PTPRN2: variants seen among roughly 807,000 people sequenced by gnomAD.
PTPRN2 encodes the protein receptor-type tyrosine-protein phosphatase N2.
Under a neutral mutation model 118.8 loss-of-function variants are expected in PTPRN2, and 74 were observed. The observed-to-expected ratio is 0.62, with a 90% CI of 0.52 to 0.76. The LOEUF (loss-of-function observed/expected upper bound fraction) is 0.76. Among genes scored for constraint, PTPRN2 ranks in the 30% least tolerant of loss-of-function variants. PTPRN2 has a pLI of 0.00. For synonymous variants in PTPRN2, 641 were observed against 608.0 expected, an observed-to-expected ratio of 1.05 and a Z score of -0.80; for missense variants, 1,481 against 1,394.4, an observed-to-expected ratio of 1.06 and a Z score of -0.99.
At position 158,249,840 on chromosome 7, in the gene PTPRN2, C is replaced by T. The variant is rs114011745; in HGVS notation, c.278-44567G>A. ...ACTGAATGCATTCCCATTTAAACTG[C>T]TTCTCCTGTGCTCCAGCAAGACGCC... is the stretch of plus-strand genomic sequence containing the variant. On this transcript the variant is annotated intron_variant, in intron 3 of 22. Transcript: ENST00000389418. 5.3e-3 allele frequency among the ~76,000 whole-genome samples: 804 copies of T among 152,338 alleles called. 8 individuals carry two copies. The highest frequency in any genetic ancestry group is 0.018 in the African/African-American group (757 of 41,572).
intron 7 of PTPRN2, among the ~76,000 whole-genome samples, chr7:158,137,754 T>G (rs748955992): frequency 2.6e-4 from 39 of 152,194 alleles, no homozygotes; most frequent in Non-Finnish European, 4.9e-4. Context: ...CTGCCATGTG[T>G]GGGGAGCTGA....
chr7:158,073,478 C>G (rs1017932041), intron 11 of PTPRN2, among the ~76,000 whole-genome samples: 2 of 152,136 alleles, frequency 1.3e-5, no homozygotes, highest in Admixed American at 1.3e-4. Context: ...TCCTTCAGGT[C>G]TCAAAGCTAT....
chr7:158,336,971 AGAG>A (rs1452666215), intron 2 of PTPRN2, among the ~76,000 whole-genome samples: 208 of 27,944 alleles, frequency 7.4e-3, no homozygotes, highest in African/African-American at 0.012. Context: ...TCTCACCATA[AGAG>A]CTGATGCCCG....
At chr7:158,432,644 T>A (rs1816306307) in intron 2 of PTPRN2, among the ~76,000 whole-genome samples, 1 of 152,218 alleles carries the variant, frequency 6.6e-6, no homozygotes, top group Admixed American at 6.5e-5. Flanking sequence ...CTTTACAAAC[T>A]TTTTGTTGAG....
chr7:157,604,804 T>C (rs1801903303), intron 15 of PTPRN2, among the ~76,000 whole-genome samples: 2 of 152,202 alleles, frequency 1.3e-5, no homozygotes, highest in Non-Finnish European at 2.9e-5. Flanking sequence ...TAGGCACTTG[T>C]GACGTGTGTG....
chr7:157,568,527 C>G (rs1452483069), intron 21 of PTPRN2, among the ~76,000 whole-genome samples: 1 of 152,204 alleles, frequency 6.6e-6, no homozygotes, highest in Non-Finnish European at 1.5e-5. Flanking sequence ...TTCTGCACTG[C>G]AACAACACTG....
intron 3 of PTPRN2, among the ~76,000 whole-genome samples, chr7:158,314,921 CAAGGACAGAGGTGAACCCGGGACCCCCTA>C (rs1802176752): frequency 7.9e-5 from 11 of 139,546 alleles, no homozygotes; most frequent in Middle Eastern, 4.8e-3. Context: ...GGGACGCCCT[CAAGGACAGAGGTGAACCCGGGACCCCCTA>C]AAGGACAGAG....
chr7:157,697,911 T>C (rs71200515), intron 12 of PTPRN2, among the ~76,000 whole-genome samples: 38 of 95,206 alleles, frequency 4.0e-4, no homozygotes, highest in South Asian at 1.1e-3. Context: ...CACCATCTAC[T>C]CATGCATACT....
At chr7:157,623,383 C>A (rs944038096) in intron 14 of PTPRN2, among the ~76,000 whole-genome samples, 1 of 152,138 alleles carries the variant, frequency 6.6e-6, no homozygotes, top group South Asian at 2.1e-4. Flanking sequence ...TGGTTCCTGG[C>A]AAAATCATTC....
intron 2 of PTPRN2, among the ~76,000 whole-genome samples, chr7:158,462,707 G>A (rs576893635): frequency 1.2e-4 from 19 of 152,266 alleles, no homozygotes; most frequent in African/African-American, 4.6e-4. Flanking sequence ...CGTAAAACCT[G>A]TGCTGATGAC....
chr7:157,744,026 C>T (rs1800783212), intron 12 of PTPRN2, among the ~76,000 whole-genome samples: 1 of 152,324 alleles, frequency 6.6e-6, no homozygotes, highest in East Asian at 1.9e-4. Context: ...CTCCGGGGCA[C>T]GACTCTGACG....
At chr7:158,308,023 C>T (rs1041378723) in intron 3 of PTPRN2, among the ~76,000 whole-genome samples, 2 of 152,182 alleles carry the variant, frequency 1.3e-5, no homozygotes, top group African/African-American at 4.8e-5. Flanking sequence ...GATTCTGCCC[C>T]TCAACCTTGA....
chr7:158,020,843 A>G (rs923221078), intron 11 of PTPRN2, among the ~76,000 whole-genome samples: 4 of 152,170 alleles, frequency 2.6e-5, no homozygotes, highest in African/African-American at 9.7e-5. Flanking sequence ...GATCACTGCA[A>G]TAACCTTCTT....
intron 12 of PTPRN2, among the ~76,000 whole-genome samples, chr7:157,715,867 C>T (rs886223920): frequency 1.3e-5 from 2 of 152,246 alleles, no homozygotes; most frequent in African/African-American, 4.8e-5. Flanking sequence ...GGCAGCACTC[C>T]AGGCAGGCTG....
chr7:158,013,759 CCACTCATCCACCTAT>C (rs1806228139), intron 11 of PTPRN2, among the ~76,000 whole-genome samples: 1 of 14,384 alleles, frequency 7.0e-5, no homozygotes, highest in African/African-American at 3.3e-4. Context: ...ATCCATCCAT[CCACTCATCCACCTAT>C]CCATCCATTC....
intron 21 of PTPRN2, among the ~76,000 whole-genome samples, chr7:157,557,552 C>CCACACA (rs56360906): frequency 0.072 from 10,765 of 149,398 alleles, 584 homozygotes; most frequent in East Asian, 0.17. Context: ...ACACACACTC[C>CCACACA]CACACACACA....
intron 2 of PTPRN2, among the ~76,000 whole-genome samples, chr7:158,340,321 T>C (rs1806429565): frequency 1.0e-5 from 1 of 100,232 alleles, no homozygotes; most frequent in Non-Finnish European, 2.2e-5. Context: ...CCCACAGACA[T>C]CACTCACACC....
In PTPRN2 at chr7:157,622,718, G is replaced by T. The variant is rs1803335470; in HGVS notation, c.2197-1209C>A. On this transcript the variant is annotated intron_variant, in intron 14 of 22. Transcript: ENST00000389418. The surrounding 1 kb of genome is among the most constrained non-coding windows in gnomAD (Gnocchi z 5.3). ...CCCCCGCATCTGGGTGGGTGTGGTG[G>T]TGAGGGACAATCGCCTGGCTCAGGG... 6.6e-6 allele frequency among the ~76,000 whole-genome samples: 1 copy of T among 152,230 alleles called. No individual in the cohort carries two copies. Among genetic ancestry groups the T allele is most frequent in the Non-Finnish European group, 1.5e-5 (1 of 68,048 alleles).
intron 13 of PTPRN2, among the ~76,000 whole-genome samples, chr7:157,662,261 C>T (rs972042216): frequency 3.3e-5 from 5 of 152,214 alleles, no homozygotes; most frequent in African/African-American, 1.2e-4. Flanking sequence ...GGGCCTGTGC[C>T]TGACACACAC....
Sources: allele counts gnomAD v4.1 joint callset (sites outside exome capture counted in the v4.1 genomes callset), GRCh38; gene constraint gnomAD v4.1.1; non-coding constraint Gnocchi (gnomAD v3.1); transcripts MANE v1.5; gene names NCBI Gene and HGNC (gene_info 2026-07-23, HGNC 2026-07-21).